Variants in MARCHF1 observed in about 807,000 individuals in gnomAD.
MARCHF1 encodes E3 ubiquitin-protein ligase MARCHF1.
In MARCHF1, 40 loss-of-function variants were observed where a neutral mutation model predicts 54.2. That is an observed-to-expected ratio of 0.74 (90% CI 0.57 to 0.96). The LOEUF is 0.96. Ranked by LOEUF, MARCHF1 falls within the 40% of genes least tolerant of loss-of-function variation. MARCHF1 has a pLI of 0.00. For missense variants in MARCHF1, 586 were observed against 656.5 expected (o/e 0.89, Z 1.17); for synonymous variants, 236 against 236.3 (o/e 1.00, Z 0.01).
At chr4:164,242,656 G>C (rs1732808835) in intron 1 of MARCHF1, among the ~76,000 whole-genome samples, 1 of 151,906 alleles carries the variant, frequency 6.6e-6, no homozygotes, top group Non-Finnish European at 1.5e-5. Context: ...GTGAGAAGAA[G>C]GTTTCAGATG....
chr4:163,998,663 C>T (rs1005050712), intron 2 of MARCHF1, among the ~76,000 whole-genome samples: 2 of 151,726 alleles, frequency 1.3e-5, no homozygotes, highest in African/African-American at 2.4e-5. Flanking sequence ...TCCTCGGTAA[C>T]CATCATTCTA....
At chr4:164,319,735 G>A (rs1231729174) in intron 1 of MARCHF1, among the ~76,000 whole-genome samples, 1 of 151,916 alleles carries the variant, frequency 6.6e-6, no homozygotes, top group Non-Finnish European at 1.5e-5. Context: ...ATTTTAAAGG[G>A]GGAAACAAAG....
rs561537038 is a variant in MARCHF1, at chr4:164,075,322, T to C, written c.-248+36266A>G. On this transcript the variant is annotated intron_variant, in intron 2 of 9. Coordinates refer to ENST00000514618, the MANE Select transcript of MARCHF1 (RefSeq NM_001394959.1). The stretch of plus-strand genomic sequence containing the variant: ...CCTCCGGCTCTAGTTCTGGTTTCAC[T>C]ACGCAGCTTGCTTCAGGCCAATGGG... Among the ~76,000 whole-genome samples the C allele has an allele frequency of 8.5e-5, 13 of 152,362 alleles. No individual in the cohort carries two copies. In the South Asian group the frequency reaches 2.5e-3, roughly 29 times the overall value.
Position 163,653,209 on chromosome 4 carries a change from G to A in MARCHF1, c.163-39816C>T, listed in dbSNP as rs1743027715. Among the ~76,000 whole-genome samples the A allele has an allele frequency of 2.0e-5, 3 of 151,880 alleles. No individual in the cohort carries two copies. The South Asian group carries it at 6.2e-4, about 31-fold the overall frequency. ...GAGAGAACAGTGAGTGCTCTTGTAA[G>A]TGGACATGAACCAGCTAAGAAGACA... On this transcript the variant is annotated intron_variant, in intron 5 of 9. Transcript: ENST00000514618.
At chr4:163,970,020 A>T (rs760246348) in intron 3 of MARCHF1, among the ~76,000 whole-genome samples, 4 of 152,316 alleles carry the variant, frequency 2.6e-5, no homozygotes, top group Middle Eastern at 3.4e-3. Flanking sequence ...ATTAGGGCAA[A>T]GCAAGAGCTA....
chr4:163,744,093 G>A (rs1561053651), intron 4 of MARCHF1, among the ~76,000 whole-genome samples: 1 of 152,144 alleles, frequency 6.6e-6, no homozygotes, highest in East Asian at 1.9e-4. Flanking sequence ...TATTCCATTA[G>A]CAGGTGCTGG....
intron 3 of MARCHF1, among the ~76,000 whole-genome samples, chr4:163,955,244 T>C (rs907967950): frequency 6.1e-5 from 9 of 147,600 alleles, no homozygotes; most frequent in African/African-American, 1.8e-4. Flanking sequence ...AGAAACACAG[T>C]GTTCTGGATA....
intron 6 of MARCHF1, 98 bp from the exon 7 acceptor site, chr4:163,613,136 G>T: frequency 7.9e-7 from 1 of 1,272,228 alleles, no homozygotes; most frequent in Admixed American, 3.0e-5. Flanking sequence ...GCATGGACCA[G>T]AAGTAGATAA....
chr4:163,847,998 C>A (rs554483549), intron 4 of MARCHF1, among the ~76,000 whole-genome samples: 1 of 152,256 alleles, frequency 6.6e-6, no homozygotes, highest in East Asian at 1.9e-4. Flanking sequence ...GAGTGTAATG[C>A]CTAAACTCTT....
chr4:163,525,914 AT>A lies in MARCHF1; in HGVS notation c.*2833del, dbSNP rs1325735493. The A allele has an allele frequency of 6.6e-6, 1 of 152,138 alleles. No homozygotes were observed. Among genetic ancestry groups the A allele is most frequent in the African/African-American group, 2.4e-5 (1 of 41,444 alleles). The allele number at this position is 152,138 out of a possible 1,614,324, so 9.4% of individuals were successfully genotyped here. A position where few individuals can be genotyped will look rare whatever the true frequency, so the allele number is the denominator to read the frequency against. On this transcript the variant is annotated 3_prime_UTR_variant, in exon 10 of 10. Transcript: ENST00000514618. The stretch of plus-strand genomic sequence containing the variant: ...GTAAAAAGAAAATAATCAACATTAG[AT>A]TTTAAATGCAGGTAGTTATTTCAGA...
intron 1 of MARCHF1, among the ~76,000 whole-genome samples, chr4:164,309,979 T>C (rs186341453): frequency 4.9e-4 from 75 of 152,212 alleles, no homozygotes; most frequent in African/African-American, 1.6e-3. Flanking sequence ...CAACAAATCA[T>C]GTTCCTTTTT....
chr4:163,585,210 T>A (rs908266684), intron 8 of MARCHF1: 2 of 152,224 alleles, frequency 1.3e-5, no homozygotes, highest in African/African-American at 4.8e-5. Context: ...ATAGTACTTT[T>A]TATTTCTACC....
intron 3 of MARCHF1, among the ~76,000 whole-genome samples, chr4:163,985,573 G>T (rs1379024353): frequency 6.6e-6 from 1 of 152,118 alleles, no homozygotes; most frequent in African/African-American, 2.4e-5. Flanking sequence ...ATCCTTAACA[G>T]GATGGATCTT....
chr4:163,841,281 T>C (rs1749329313), intron 4 of MARCHF1, among the ~76,000 whole-genome samples: 1 of 151,978 alleles, frequency 6.6e-6, no homozygotes, highest in African/African-American at 2.4e-5. Context: ...CTTTGAGTGA[T>C]TATGACATGC....
intron 4 of MARCHF1, among the ~76,000 whole-genome samples, chr4:163,773,592 A>G (rs752818045): frequency 3.3e-5 from 5 of 152,124 alleles, no homozygotes; most frequent in Non-Finnish European, 7.4e-5. Context: ...GCACAGAGGG[A>G]CAGTTATATT....
chr4:163,896,297 AC>A (rs1276073717), intron 3 of MARCHF1, among the ~76,000 whole-genome samples: 1 of 152,124 alleles, frequency 6.6e-6, no homozygotes, highest in Non-Finnish European at 1.5e-5. Context: ...GTTTTCTTTC[AC>A]CTCTGTAGCA....
intron 3 of MARCHF1, among the ~76,000 whole-genome samples, chr4:163,923,244 A>G (rs1348276476): frequency 1.3e-5 from 2 of 152,124 alleles, no homozygotes; most frequent in Non-Finnish European, 2.9e-5. Context: ...AAAAATCAAA[A>G]TATTTATGCA....
chr4:164,274,659 C>CTT (rs70952617), intron 1 of MARCHF1, among the ~76,000 whole-genome samples: 1,252 of 44,594 alleles, frequency 0.028, 367 homozygotes, highest in Non-Finnish European at 0.048. Context: ...TCAGGGTACA[C>CTT]TTTTTTTTTT....
chr4:164,327,127 C>T (rs1735304548), intron 1 of MARCHF1, among the ~76,000 whole-genome samples: 1 of 151,788 alleles, frequency 6.6e-6, no homozygotes, highest in South Asian at 2.1e-4. Flanking sequence ...ATATTAGCAC[C>T]TAGAATAAAA....
Sources: allele counts gnomAD v4.1 joint callset (sites outside exome capture counted in the v4.1 genomes callset), GRCh38; gene constraint gnomAD v4.1.1; transcripts MANE v1.5; gene names NCBI Gene and HGNC (gene_info 2026-07-23, HGNC 2026-07-21).